Variants in C1QTNF3 observed in about 807,000 individuals in gnomAD.
C1QTNF3 encodes C1q and TNF related 3, also known as complement C1q tumor necrosis factor-related protein 3.
A neutral mutation model predicts 32.6 loss-of-function variants in C1QTNF3; 26 were observed. The observed-to-expected ratio is 0.80, with a 90% CI of 0.58 to 1.11. The LOEUF (loss-of-function observed/expected upper bound fraction) is 1.11, where lower values mean the gene tolerates loss of function less well. Among genes scored for constraint, C1QTNF3 ranks in the 50% least tolerant of loss-of-function variants. C1QTNF3 has a pLI of 0.00. For synonymous variants in C1QTNF3, 155 were observed against 146.0 expected (o/e 1.06, Z -0.44); for missense variants, 362 against 398.2 (o/e 0.91, Z 0.77).
the C1QTNF3 span, among the ~76,000 whole-genome samples, chr5:34,229,550 C>T: frequency 1.3e-5 from 2 of 152,042 alleles, no homozygotes; most frequent in African/African-American, 4.8e-5. Context: ...ACAGAGTTTG[C>T]AAATGCAATT....
At chr5:34,237,954 T>G in the C1QTNF3 span, among the ~76,000 whole-genome samples, 1 of 152,214 alleles carries the variant, frequency 6.6e-6, no homozygotes, top group Non-Finnish European at 1.5e-5. Flanking sequence ...CCACTGGGTA[T>G]TAGGCTAGCC....
the C1QTNF3 span, among the ~76,000 whole-genome samples, chr5:34,219,342 A>G: frequency 6.6e-6 from 1 of 151,830 alleles, no homozygotes; most frequent in Non-Finnish European, 1.5e-5. Flanking sequence ...TTTGTACAAT[A>G]TTAAAATTTT....
the C1QTNF3 span, chr5:34,106,349 A>G: frequency 2.6e-4 from 40 of 152,104 alleles, no homozygotes; most frequent in South Asian, 8.3e-3. Flanking sequence ...TTCAAAGAAT[A>G]TAATAAGAAT....
At chr5:34,035,975 T>C (rs1332351171) in intron 1 of C1QTNF3, among the ~76,000 whole-genome samples, 1 of 143,154 alleles carries the variant, frequency 7.0e-6, no homozygotes, top group Admixed American at 7.4e-5. Flanking sequence ...AGAAAGTCAA[T>C]AGAGGAAGAT....
the C1QTNF3 span, among the ~76,000 whole-genome samples, chr5:34,220,896 T>C: frequency 6.6e-6 from 1 of 152,020 alleles, no homozygotes; most frequent in Non-Finnish European, 1.5e-5. Flanking sequence ...TGGGTCAAAA[T>C]GGCCGGGCTT....
chr5:34,111,427 C>T, the C1QTNF3 span, among the ~76,000 whole-genome samples: 1 of 151,528 alleles, frequency 6.6e-6, no homozygotes, highest in Non-Finnish European at 1.5e-5. Flanking sequence ...CATTCTGGCC[C>T]TTTCCATCAG....
the C1QTNF3 span, among the ~76,000 whole-genome samples, chr5:34,186,487 CCTT>C: frequency 7.0e-6 from 1 of 142,626 alleles, no homozygotes; most frequent in Non-Finnish European, 1.5e-5. Context: ...TTTCTTTCCT[CCTT>C]TTTTTTTTTT....
chr5:34,184,538 A>G, the C1QTNF3 span, among the ~76,000 whole-genome samples: 5 of 152,340 alleles, frequency 3.3e-5, no homozygotes, highest in African/African-American at 1.2e-4. Flanking sequence ...ACCTGGCGAA[A>G]CCCCGTCTCT....
the C1QTNF3 span, among the ~76,000 whole-genome samples, chr5:34,170,538 T>A: frequency 1.3e-5 from 2 of 152,092 alleles, no homozygotes; most frequent in African/African-American, 4.8e-5. Flanking sequence ...ATCGGGGGTG[T>A]TTGCATATGT....
chr5:34,021,395 C>T (rs1343271610), intron 5 of C1QTNF3, among the ~76,000 whole-genome samples: 2 of 152,202 alleles, frequency 1.3e-5, no homozygotes, highest in Non-Finnish European at 2.9e-5. Context: ...GTACTCTTTG[C>T]TGCTTTTAGA....
chr5:34,243,655 T>C, the C1QTNF3 span, among the ~76,000 whole-genome samples: 1 of 151,926 alleles, frequency 6.6e-6, no homozygotes, highest in South Asian at 2.1e-4. Context: ...TGAAATTATG[T>C]CCTTTGCAGC....
At chr5:34,174,735 T>C in the C1QTNF3 span, among the ~76,000 whole-genome samples, 7 of 152,126 alleles carry the variant, frequency 4.6e-5, no homozygotes, top group Non-Finnish European at 8.8e-5. Context: ...ACAGATCTTA[T>C]TGTCTTTGAA....
chr5:34,042,028 T>G (rs1295983324), intron 1 of C1QTNF3, among the ~76,000 whole-genome samples: 1 of 150,158 alleles, frequency 6.7e-6, no homozygotes, highest in Non-Finnish European at 1.5e-5. Flanking sequence ...AGAGGGTAAT[T>G]CAAAATATGT....
At chr5:34,022,559 A>G (rs1200835561) in intron 5 of C1QTNF3, among the ~76,000 whole-genome samples, 1 of 152,174 alleles carries the variant, frequency 6.6e-6, no homozygotes, top group African/African-American at 2.4e-5. Flanking sequence ...AGATGGGGAG[A>G]CATGTATTGT....
chr5:34,103,566 TCCAGCACTTTG>T, the C1QTNF3 span, among the ~76,000 whole-genome samples: 1 of 140,894 alleles, frequency 7.1e-6, no homozygotes, highest in Non-Finnish European at 1.5e-5. Context: ...CGTCTATAAT[TCCAGCACTTTG>T]GGAGGCCGAG....
At chr5:34,169,066 C>T in the C1QTNF3 span, 1 of 152,130 alleles carries the variant, frequency 6.6e-6, no homozygotes. Flanking sequence ...AGTATTTCTT[C>T]CCTCTGGCGG....
the C1QTNF3 span, among the ~76,000 whole-genome samples, chr5:34,217,263 C>T: frequency 6.6e-6 from 1 of 152,074 alleles, no homozygotes; most frequent in African/African-American, 2.4e-5. Context: ...GTACAAAAGG[C>T]ATTGCGTTTT....
chr5:34,173,451 G>A, the C1QTNF3 span, among the ~76,000 whole-genome samples: 1 of 138,628 alleles, frequency 7.2e-6, no homozygotes, highest in Non-Finnish European at 1.5e-5. Flanking sequence ...ATTATTATTA[G>A]CTATTACCCA....
chr5:34,144,970 A>T, the C1QTNF3 span, among the ~76,000 whole-genome samples: 1 of 152,038 alleles, frequency 6.6e-6, no homozygotes, highest in Non-Finnish European at 1.5e-5. Flanking sequence ...TCTACTAAAA[A>T]CACAAACAAT....
Sources: allele counts gnomAD v4.1 joint callset (sites outside exome capture counted in the v4.1 genomes callset), GRCh38; gene constraint gnomAD v4.1.1; transcripts MANE v1.5; gene names NCBI Gene and HGNC (gene_info 2026-07-23, HGNC 2026-07-21).